The following SV2C variants were observed in gnomAD, a reference collection of about 807,000 sequenced individuals.
SV2C encodes solute carrier family 22 member B3.
SV2C carries 49 observed loss-of-function variants against 79.7 expected under a neutral mutation model. The ratio of observed to expected loss-of-function variants is 0.61; its 90% CI spans 0.49 to 0.78. The LOEUF (loss-of-function observed/expected upper bound fraction) is 0.78. Among genes scored for constraint, SV2C ranks in the 30% least tolerant of loss-of-function variants. SV2C has a pLI of 0.00. For missense variants in SV2C, 833 were observed against 912.9 expected, an observed-to-expected ratio of 0.91 and a Z score of 1.13; for synonymous variants, 334 against 333.2, an observed-to-expected ratio of 1.00 and a Z score of -0.03.
At chr5:75,963,636 G>T in the SV2C span, among the ~76,000 whole-genome samples, 1 of 152,022 alleles carries the variant, frequency 6.6e-6, no homozygotes, top group Non-Finnish European at 1.5e-5. Flanking sequence ...GTGCTTAGGT[G>T]TGAGTCTTTT....
At chr5:76,231,922 G>A (rs1194729358) in intron 4 of SV2C, among the ~76,000 whole-genome samples, 1 of 144,328 alleles carries the variant, frequency 6.9e-6, no homozygotes, top group African/African-American at 2.9e-5. Context: ...CTTTATAGCA[G>A]CATGATTTAT....
At chr5:75,897,662 A>G in the SV2C span, among the ~76,000 whole-genome samples, 2 of 152,412 alleles carry the variant, frequency 1.3e-5, no homozygotes, top group South Asian at 2.1e-4. Flanking sequence ...CTTGGGCAGT[A>G]TGGCCATTTT....
At chr5:76,018,701 GA>G in the SV2C span, among the ~76,000 whole-genome samples, 1 of 152,144 alleles carries the variant, frequency 6.6e-6, no homozygotes, top group African/African-American at 2.4e-5. Context: ...ATTAAGTATG[GA>G]AAAGGCCAGA....
intron 1 of SV2C, among the ~76,000 whole-genome samples, chr5:76,119,847 T>A (rs147920562): frequency 2.7e-3 from 405 of 152,330 alleles, no homozygotes; most frequent in East Asian, 8.3e-3. Context: ...AACCCATTTT[T>A]CACTCTTAAA....
the SV2C span, among the ~76,000 whole-genome samples, chr5:75,960,445 A>AATT: frequency 6.6e-6 from 1 of 152,024 alleles, no homozygotes; most frequent in Non-Finnish European, 1.5e-5. Context: ...AGATTGTAGC[A>AATT]CAATGCATTA....
intron 6 of SV2C, among the ~76,000 whole-genome samples, chr5:76,288,221 A>G (rs948288969): frequency 6.6e-6 from 1 of 152,216 alleles, no homozygotes; most frequent in African/African-American, 2.4e-5. Flanking sequence ...AGTTCTTAAA[A>G]CACATGAAAT....
the SV2C span, among the ~76,000 whole-genome samples, chr5:76,037,523 T>C: frequency 6.6e-5 from 10 of 152,156 alleles, no homozygotes; most frequent in South Asian, 2.1e-4. Context: ...TGTCAATCTG[T>C]CCCTGCTGGG....
the SV2C span, among the ~76,000 whole-genome samples, chr5:76,006,313 C>T: frequency 2.0e-5 from 3 of 152,136 alleles, no homozygotes; most frequent in South Asian, 2.1e-4. Context: ...TGTGAATTTC[C>T]GTGGTCTCTT....
At chr5:76,199,212 T>G (rs73113766) in intron 3 of SV2C, among the ~76,000 whole-genome samples, 3,270 of 152,264 alleles carry the variant, frequency 0.021, 99 homozygotes, top group African/African-American at 0.073. Context: ...CTAGAGACCT[T>G]AAATAAAAGA....
the SV2C span, among the ~76,000 whole-genome samples, chr5:75,850,333 C>A: frequency 6.6e-6 from 1 of 152,164 alleles, no homozygotes; most frequent in South Asian, 2.1e-4. Flanking sequence ...TCATGTTTTT[C>A]ACTTCTGAGG....
the SV2C span, among the ~76,000 whole-genome samples, chr5:75,982,341 T>C: frequency 6.6e-6 from 1 of 151,678 alleles, no homozygotes; most frequent in African/African-American, 2.4e-5. Context: ...GACATACACA[T>C]GGCCAACAAT....
At chr5:75,899,695 G>A in the SV2C span, among the ~76,000 whole-genome samples, 1 of 152,142 alleles carries the variant, frequency 6.6e-6, no homozygotes, top group Admixed American at 6.5e-5. Context: ...TATTGAATGG[G>A]AGTCTAAGTC....
intron 4 of SV2C, among the ~76,000 whole-genome samples, chr5:76,212,476 T>TA (rs1464044005): frequency 6.6e-6 from 1 of 152,066 alleles, no homozygotes; most frequent in Admixed American, 6.5e-5. Flanking sequence ...TTTCTTTTTT[T>TA]TTTTTTAATA....
At chr5:76,299,557 T>C (rs1747909530) in intron 10 of SV2C, among the ~76,000 whole-genome samples, 1 of 152,202 alleles carries the variant, frequency 6.6e-6, no homozygotes, top group South Asian at 2.1e-4. Context: ...AGCCTGTGCC[T>C]TCCACTTTCC....
chr5:76,327,279 T>A lies in SV2C; in HGVS notation c.*1732T>A, dbSNP rs1052788511. On this transcript the variant is annotated 3_prime_UTR_variant, in exon 13 of 13. Coordinates refer to ENST00000502798, the MANE Select transcript of SV2C (RefSeq NM_014979.4). ...GGGGGAAGACTGGTGTTGGGGGCAG[T>A]GGGAAGAGGGTGGTTCCCTGGGGGT... 6.6e-6 allele frequency: 1 copy of A among 151,842 alleles called. No homozygotes were observed. The highest frequency in any genetic ancestry group is 1.5e-5 in the Non-Finnish European group (1 of 67,972). 9.4% of individuals were successfully genotyped at this position (151,842 alleles called of 1,614,324 possible).
the SV2C span, among the ~76,000 whole-genome samples, chr5:76,071,885 A>G: frequency 1.3e-5 from 2 of 152,238 alleles, no homozygotes; most frequent in Non-Finnish European, 2.9e-5. Flanking sequence ...TAATAGACCT[A>G]TAGTAGAATG....
the SV2C span, among the ~76,000 whole-genome samples, chr5:75,925,412 A>G: frequency 6.6e-6 from 1 of 152,198 alleles, no homozygotes; most frequent in Non-Finnish European, 1.5e-5. Flanking sequence ...CAATACCCTC[A>G]TAGGACTCAG....
the SV2C span, among the ~76,000 whole-genome samples, chr5:76,051,173 T>G: frequency 6.6e-6 from 1 of 152,144 alleles, no homozygotes; most frequent in Non-Finnish European, 1.5e-5. Flanking sequence ...TGTCATTAAC[T>G]GCTTAGCTAA....
At chr5:76,242,098 T>C (rs1450313039) in intron 4 of SV2C, 25 of 1,450,932 alleles carry the variant, frequency 1.7e-5, no homozygotes, top group Admixed American at 3.3e-5. Context: ...GCAGGGTTAT[T>C]TCCCTCCTTG....
Sources: gnomAD v4.1 joint callset for allele counts (sites outside exome capture counted in the v4.1 genomes callset) on GRCh38, gnomAD v4.1.1 for gene constraint, MANE v1.5 for transcripts, NCBI Gene and HGNC (gene_info 2026-07-23, HGNC 2026-07-21) for gene names.